Variants in SRGAP3 observed in about 807,000 individuals in gnomAD.
SRGAP3 encodes SLIT-ROBO Rho GTPase activating protein 3.
Under a neutral mutation model 121.1 loss-of-function variants are expected in SRGAP3, and 39 were observed. The observed-to-expected ratio is 0.32, with a 90% CI of 0.25 to 0.42. The LOEUF is 0.42. Among genes scored for constraint, SRGAP3 ranks in the 10% least tolerant of loss-of-function variants. SRGAP3 has a pLI of 1.00. For missense variants in SRGAP3, 1,213 were observed against 1,470.6 expected, an observed-to-expected ratio of 0.82 and a Z score of 2.86; for synonymous variants, 601 against 570.0, an observed-to-expected ratio of 1.05 and a Z score of -0.77.
intron 2 of SRGAP3, among the ~76,000 whole-genome samples, chr3:9,115,035 G>C (rs760312634): frequency 1.3e-5 from 2 of 152,242 alleles, no homozygotes; most frequent in Non-Finnish European, 2.9e-5. Context: ...GGCTAGCACA[G>C]GTAAGTGGCA....
At chr3:9,014,074 C>T (rs376172233) in intron 15 of SRGAP3, 2 of 577,104 alleles carry the variant, frequency 3.5e-6, no homozygotes, top group East Asian at 6.2e-5. Context: ...GTCGACTCTC[C>T]GGACTTGGTT....
chr3:9,270,838 C>T (rs1318085746), intron 3 of SRGAP3, among the ~76,000 whole-genome samples: 15 of 151,796 alleles, frequency 9.9e-5, no homozygotes, highest in African/African-American at 3.1e-4. Flanking sequence ...CCTGTTTATG[C>T]TTCTGGTACT....
chr3:8,997,614 T>C (rs1942482974), intron 18 of SRGAP3, among the ~76,000 whole-genome samples: 1 of 152,192 alleles, frequency 6.6e-6, no homozygotes, highest in African/African-American at 2.4e-5. Context: ...ACTAGCTCAA[T>C]CTGCTCTTGC....
At chr3:8,996,547 G>A (rs1351045112) in intron 18 of SRGAP3, among the ~76,000 whole-genome samples, 1 of 152,250 alleles carries the variant, frequency 6.6e-6, no homozygotes, top group Non-Finnish European at 1.5e-5. Context: ...TAACCTGGGT[G>A]TTGGGAGAGA....
At chr3:9,060,054 G>A in intron 6 of SRGAP3, 177 bp downstream of exon 6, 2 of 986,238 alleles carry the variant, frequency 2.0e-6, no homozygotes, top group South Asian at 2.8e-5. Context: ...ACACCACGAG[G>A]TAACATTCAT....
At chr3:9,075,621 T>C (rs1398090961) in intron 4 of SRGAP3, among the ~76,000 whole-genome samples, 3 of 152,158 alleles carry the variant, frequency 2.0e-5, no homozygotes, top group Admixed American at 2.0e-4. Context: ...GGGTGGCCTT[T>C]AGCATTTATC....
rs866300943 is a variant in SRGAP3, at chr3:9,228,540, C to T, written c.67+20345G>A. 6.6e-5 allele frequency among the ~76,000 whole-genome samples: 10 copies of T among 152,176 alleles called. 1 individual carries two copies. The highest frequency in any genetic ancestry group is 2.1e-4 in the South Asian group (1 of 4,830). The stretch of plus-strand genomic sequence containing the variant: ...AGAGGAGGGAAGCCAGAGAGGCCTT[C>T]CTAAATCCTTGGGGGTTACACTAGC... On this transcript the variant is annotated intron_variant, in intron 1 of 21. Transcript: ENST00000383836.
At chr3:9,314,040 T>G (rs1955300858) in intron 3 of SRGAP3, among the ~76,000 whole-genome samples, 1 of 152,258 alleles carries the variant, frequency 6.6e-6, no homozygotes, top group Non-Finnish European at 1.5e-5. Flanking sequence ...TTTGTATATC[T>G]CTGCCTATTA....
intron 12 of SRGAP3, among the ~76,000 whole-genome samples, chr3:9,030,153 A>AAATGAATGAATGAATG (rs149686122): frequency 1.3e-5 from 2 of 148,246 alleles, no homozygotes; most frequent in Non-Finnish European, 3.0e-5. Context: ...CTGCCTCAAT[A>AAATGAATGAATGAATG]AATGAATGAA....
intron 10 of SRGAP3, among the ~76,000 whole-genome samples, chr3:9,041,095 C>T (rs1429495245): frequency 2.0e-5 from 3 of 152,340 alleles, no homozygotes; most frequent in Admixed American, 6.5e-5. Flanking sequence ...GCAGATTACA[C>T]GATAGTGTAA....
At chr3:9,059,901 G>A (rs1208847249) in intron 6 of SRGAP3, 3 of 387,014 alleles carry the variant, frequency 7.8e-6, no homozygotes, top group Non-Finnish European at 1.0e-5. Context: ...CATGAACTGT[G>A]TATGGTTCCC....
chr3:9,124,938 G>C (rs919738612), intron 1 of SRGAP3, 21 bp from the exon 2 acceptor site: 1 of 1,613,634 alleles, frequency 6.2e-7, no homozygotes, highest in Non-Finnish European at 8.5e-7. Context: ...ACAAGGGTAG[G>C]AGCATGAGAC....
chr3:9,157,998 T>G (rs1461126818), intron 1 of SRGAP3, among the ~76,000 whole-genome samples: 1 of 152,214 alleles, frequency 6.6e-6, no homozygotes, highest in African/African-American at 2.4e-5. Flanking sequence ...TTGTAGTCTC[T>G]GAAAGTCCAC....
intron 1 of SRGAP3, among the ~76,000 whole-genome samples, chr3:9,246,602 A>C (rs1953833198): frequency 6.6e-6 from 1 of 152,194 alleles, no homozygotes; most frequent in Non-Finnish European, 1.5e-5. Flanking sequence ...AACTGAGTTC[A>C]CACTAACCCT....
In SRGAP3 at chr3:8,990,640, C is replaced by G; in HGVS notation, c.2758G>C (p.Ala920Pro). ...EKRRMATFGS[A>P]GSINYPDKKA... is the part of the protein sequence containing the mutation. ...TTGTCAGGGTAGTTGATGCTGCCAG[C>G]GCTCCCGAACGTCGCCATCCTCCGC... is the stretch of plus-strand genomic sequence containing the variant. Residue 920 changes from alanine (A) to proline (P), a missense_variant, in exon 21 of 22, where the codon GCT (alanine) becomes CCT (proline). Physicochemically the swap from Ala to Pro is conservative, Grantham distance 27. Transcript: ENST00000383836. 6.2e-7 allele frequency: 1 copy of G among 1,613,488 alleles called. No homozygotes were observed. Among genetic ancestry groups the G allele is most frequent in the East Asian group, 2.2e-5 (1 of 44,858 alleles).
At chr3:9,195,802 A>G (rs1037520274) in intron 1 of SRGAP3, among the ~76,000 whole-genome samples, 35 of 152,058 alleles carry the variant, frequency 2.3e-4, no homozygotes, top group East Asian at 7.7e-4. Context: ...CAAAAAATAA[A>G]AAAATTAGCC....
intron 1 of SRGAP3, among the ~76,000 whole-genome samples, chr3:9,162,328 T>C (rs954635396): frequency 2.6e-5 from 4 of 152,040 alleles, no homozygotes; most frequent in African/African-American, 9.7e-5. Flanking sequence ...ATTCAGCAAA[T>C]AAAAATAACC....
chr3:9,109,926 A>G lies in SRGAP3; in HGVS notation c.261-5084T>C, dbSNP rs1369951875. Reference sequence around the variant, plus strand: ...TTTGGGGTAGGAGAGTGAGGACAGCAGGTGAACATGGAGACTGAGGCAGGG... The same window carrying G: ...TTTGGGGTAGGAGAGTGAGGACAGCGGGTGAACATGGAGACTGAGGCAGGG... On this transcript the variant is annotated intron_variant, in intron 2 of 21. Coordinates refer to ENST00000383836, the MANE Select transcript of SRGAP3 (RefSeq NM_014850.4). This position sits in a 1 kb window ranked among gnomAD's most constrained non-coding sequence, Gnocchi z 4.4. 2.6e-5 allele frequency among the ~76,000 whole-genome samples: 4 copies of G among 152,256 alleles called. No individual in the cohort carries two copies. Among genetic ancestry groups the G allele is most frequent in the Admixed American group, 2.6e-4 (4 of 15,292 alleles).
At chr3:9,053,509 G>A (rs1945680475) in intron 8 of SRGAP3, among the ~76,000 whole-genome samples, 1 of 152,202 alleles carries the variant, frequency 6.6e-6, no homozygotes, top group South Asian at 2.1e-4. Flanking sequence ...AACAAATGAG[G>A]AACCCAGGTT....
Sources: allele counts gnomAD v4.1 joint callset (sites outside exome capture counted in the v4.1 genomes callset), GRCh38; gene constraint gnomAD v4.1.1; non-coding constraint Gnocchi (gnomAD v3.1); transcripts MANE v1.5; gene names NCBI Gene and HGNC (gene_info 2026-07-23, HGNC 2026-07-21).